The following HS3ST5 variants were observed in gnomAD, a reference collection of about 807,000 sequenced individuals.
HS3ST5 encodes heparan sulfate glucosamine 3-O-sulfotransferase 5.
HS3ST5 carries 10 observed loss-of-function variants against 25.4 expected under a neutral mutation model. That is an observed-to-expected ratio of 0.39 (90% CI 0.24 to 0.67). The LOEUF (loss-of-function observed/expected upper bound fraction) is 0.67. HS3ST5 is among the 30% of genes least tolerant of loss of function. HS3ST5 has a pLI of 0.44. For missense variants in HS3ST5, 324 were observed against 420.7 expected, an observed-to-expected ratio of 0.77 and a Z score of 2.01; for synonymous variants, 170 against 162.4, an observed-to-expected ratio of 1.05 and a Z score of -0.36.
chr6:114,209,405 T>C (rs1781419172), intron 2 of HS3ST5, among the ~76,000 whole-genome samples: 1 of 152,136 alleles, frequency 6.6e-6, no homozygotes, highest in Admixed American at 6.6e-5. Flanking sequence ...ATTTTCAAGA[T>C]TATTTTCCTC....
chr6:114,247,970 C>T (rs549360012), intron 1 of HS3ST5, among the ~76,000 whole-genome samples: 2 of 151,788 alleles, frequency 1.3e-5, no homozygotes, highest in South Asian at 4.2e-4. Context: ...GAGGCTGAGG[C>T]AGGTGGGTCA....
At chr6:114,207,694 A>G (rs1781334469) in intron 2 of HS3ST5, among the ~76,000 whole-genome samples, 1 of 152,084 alleles carries the variant, frequency 6.6e-6, no homozygotes, top group Non-Finnish European at 1.5e-5. Context: ...TGTCTTTTAC[A>G]CCTTTCCAAT....
intron 3 of HS3ST5, among the ~76,000 whole-genome samples, chr6:114,113,349 C>T (rs528274736): frequency 2.0e-5 from 3 of 152,246 alleles, no homozygotes; most frequent in Non-Finnish European, 2.9e-5. Context: ...GCATGCGCTA[C>T]GAAAATATAT....
intron 3 of HS3ST5, among the ~76,000 whole-genome samples, chr6:114,124,523 A>C (rs1342003492): frequency 1.3e-5 from 2 of 152,134 alleles, no homozygotes; most frequent in Non-Finnish European, 2.9e-5. Context: ...TGCCTATATC[A>C]AACAGACATT....
intron 2 of HS3ST5, among the ~76,000 whole-genome samples, chr6:114,206,075 C>T (rs1179383270): frequency 6.6e-6 from 1 of 152,200 alleles, no homozygotes; most frequent in African/African-American, 2.4e-5. Flanking sequence ...GCTCCCTCTT[C>T]ACTCTTGAGT....
At chr6:114,142,016 A>G (rs1448855867) in intron 3 of HS3ST5, among the ~76,000 whole-genome samples, 1 of 151,262 alleles carries the variant, frequency 6.6e-6, no homozygotes, top group African/African-American at 2.4e-5. Context: ...CTCATTTCCT[A>G]CAGCTGGTTG....
intron 3 of HS3ST5, among the ~76,000 whole-genome samples, chr6:114,095,618 G>A (rs899737571): frequency 1.3e-5 from 2 of 152,064 alleles, no homozygotes; most frequent in Non-Finnish European, 2.9e-5. Context: ...GCCCAAAAAT[G>A]ACCTCACTTT....
chr6:114,259,874 C>T (rs1213396848), intron 1 of HS3ST5, among the ~76,000 whole-genome samples: 1 of 152,180 alleles, frequency 6.6e-6, no homozygotes, highest in East Asian at 1.9e-4. Flanking sequence ...CCAAGAGCAA[C>T]TAATGGCAAA....
In HS3ST5 at chr6:114,057,362, A is replaced by C. The variant is rs200441388; in HGVS notation, c.936T>G (p.Ile312Met). Residue 312 changes from isoleucine (I) to methionine (M), a missense_variant, in exon 5 of 5, where the codon ATT becomes ATG. Coordinates refer to ENST00000312719, the MANE Select transcript of HS3ST5 (RefSeq NM_153612.4). ...TGACAGAGGGGTCCACCTCTGGATG[A>C]ATGCGCCCCTTGCTGCCCGCCAGGC... The part of the protein sequence containing the change: ...NKCLAGSKGR[I>M]HPEVDPSVIT... 4.0e-5 allele frequency: 64 copies of C among 1,614,108 alleles called. No homozygotes were observed. The highest frequency in any genetic ancestry group is 5.3e-5 in the Non-Finnish European group (62 of 1,179,984).
intron 3 of HS3ST5, among the ~76,000 whole-genome samples, chr6:114,131,583 G>C (rs1582634651): frequency 6.6e-6 from 1 of 152,188 alleles, no homozygotes; most frequent in East Asian, 1.9e-4. Flanking sequence ...GTTGGAGAAG[G>C]GGGACAATTT....
At chr6:114,328,245 AGAAG>A (rs982310919) in intron 1 of HS3ST5, among the ~76,000 whole-genome samples, 26 of 141,062 alleles carry the variant, frequency 1.8e-4, no homozygotes, top group African/African-American at 6.7e-4. Context: ...AAGGAAGGAA[AGAAG>A]GAAGGAAGGA....
At chr6:114,193,968 A>G (rs550135143) in intron 2 of HS3ST5, among the ~76,000 whole-genome samples, 25 of 152,184 alleles carry the variant, frequency 1.6e-4, no homozygotes, top group Non-Finnish European at 3.2e-4. Context: ...ATTATGAAGT[A>G]AGTTGATAAA....
At chr6:114,246,149 T>A (rs1228794052) in intron 1 of HS3ST5, among the ~76,000 whole-genome samples, 1 of 152,224 alleles carries the variant, frequency 6.6e-6, no homozygotes, top group Non-Finnish European at 1.5e-5. Context: ...TGAGCTATAT[T>A]ATATTCTCTG....
intron 1 of HS3ST5, among the ~76,000 whole-genome samples, chr6:114,298,607 A>G (rs1329141816): frequency 6.6e-6 from 1 of 152,248 alleles, no homozygotes; most frequent in Non-Finnish European, 1.5e-5. Flanking sequence ...ACGACTCCAG[A>G]GTATACACTC....
chr6:114,107,773 A>G (rs1776065134), intron 3 of HS3ST5, among the ~76,000 whole-genome samples: 1 of 152,256 alleles, frequency 6.6e-6, no homozygotes, highest in Non-Finnish European at 1.5e-5. Context: ...GTATTTAGGA[A>G]ATAAATTTGA....
At chr6:114,083,727 C>T (rs1186405487) in intron 3 of HS3ST5, among the ~76,000 whole-genome samples, 1 of 152,176 alleles carries the variant, frequency 6.6e-6, no homozygotes, top group Non-Finnish European at 1.5e-5. Context: ...ATTTCTAAGA[C>T]TGGATCTTTT....
chr6:114,263,060 A>T (rs1773247958), intron 1 of HS3ST5, among the ~76,000 whole-genome samples: 1 of 152,110 alleles, frequency 6.6e-6, no homozygotes. Flanking sequence ...TCTTTTAAGT[A>T]TTGCCAATTT....
chr6:114,241,142 T>TG (rs201080016), intron 1 of HS3ST5, among the ~76,000 whole-genome samples: 12 of 150,840 alleles, frequency 8.0e-5, no homozygotes, highest in South Asian at 4.2e-4. Flanking sequence ...GTTTTTTTTT[T>TG]TTTTTTTTTT....
intron 3 of HS3ST5, among the ~76,000 whole-genome samples, chr6:114,088,417 T>C (rs957340822): frequency 6.6e-6 from 1 of 152,000 alleles, no homozygotes; most frequent in African/African-American, 2.4e-5. Flanking sequence ...TTTTAATTTT[T>C]CTTATCAATA....
Sources: gnomAD v4.1 joint callset for allele counts (sites outside exome capture counted in the v4.1 genomes callset) on GRCh38, gnomAD v4.1.1 for gene constraint, MANE v1.5 for transcripts, NCBI Gene and HGNC (gene_info 2026-07-23, HGNC 2026-07-21) for gene names.